The following GMDS variants were observed in gnomAD, a reference collection of about 807,000 sequenced individuals.
The protein encoded by GMDS is GDP-mannose 4,6-dehydratase.
GMDS carries 20 observed loss-of-function variants against 49.9 expected under a neutral mutation model. That is an observed-to-expected ratio of 0.40 (90% CI 0.28 to 0.58). GMDS has a LOEUF of 0.58. GMDS is among the 20% of genes least tolerant of loss of function. GMDS has a pLI of 0.42. For missense variants in GMDS, 362 were observed against 481.4 expected, an observed-to-expected ratio of 0.75 and a Z score of 2.32; for synonymous variants, 177 against 178.6, an observed-to-expected ratio of 0.99 and a Z score of 0.07.
chr6:1,643,531 T>C lies in GMDS; in HGVS notation c.988-18991A>G, dbSNP rs540653657. Among the ~76,000 whole-genome samples, 4 of 152,158 alleles carry C rather than the reference T, an allele frequency of 2.6e-5. No homozygotes were observed. The South Asian group carries it at 8.3e-4, about 32-fold the overall frequency. Reference sequence around the variant, plus strand: ...GAGTAGGATGTGGTTACCAGGGCCTTAGGCAGTTGTGGGGATGCTGGTCAA... The same window carrying C: ...GAGTAGGATGTGGTTACCAGGGCCTCAGGCAGTTGTGGGGATGCTGGTCAA... On this transcript the variant is annotated intron_variant, in intron 9 of 10. Transcript: ENST00000380815.
In GMDS at chr6:2,172,196, T is replaced by C. The variant is rs538593366; in HGVS notation, c.103-47465A>G. ...TCCCCAATATTAAAGACAAAGTCTC[T>C]CAGATTGAGGAGAAAAAATGAGATA... On this transcript the variant is annotated intron_variant, in intron 1 of 10. Coordinates refer to ENST00000380815, the MANE Select transcript of GMDS (RefSeq NM_001500.4). Among the ~76,000 whole-genome samples the C allele has an allele frequency of 8.5e-5, 13 of 152,240 alleles. No individual in the cohort carries two copies. In the South Asian group the frequency reaches 2.7e-3, roughly 32 times the overall value.
intron 1 of GMDS, among the ~76,000 whole-genome samples, chr6:2,195,113 A>G (rs1228557941): frequency 1.3e-5 from 2 of 152,234 alleles, no homozygotes; most frequent in Non-Finnish European, 2.9e-5. Context: ...TTTAAAACAC[A>G]TGCTTAAAAG....
At chr6:1,801,060 G>A (rs557768022) in intron 7 of GMDS, among the ~76,000 whole-genome samples, 42 of 152,310 alleles carry the variant, frequency 2.8e-4, no homozygotes, top group African/African-American at 1.0e-3. Flanking sequence ...TGACACTCGG[G>A]GGATACAATC....
chr6:1,733,027 G>A (rs1015839335), intron 8 of GMDS, among the ~76,000 whole-genome samples: 1 of 152,188 alleles, frequency 6.6e-6, no homozygotes, highest in Non-Finnish European at 1.5e-5. Flanking sequence ...CTCTGCCCCA[G>A]AGATGGGTAT....
At chr6:2,216,796 C>A (rs563894396) in intron 1 of GMDS, among the ~76,000 whole-genome samples, 1 of 152,204 alleles carries the variant, frequency 6.6e-6, no homozygotes, top group African/African-American at 2.4e-5. Context: ...ACTGCATTTA[C>A]GTGCTCCAAA....
intron 1 of GMDS, among the ~76,000 whole-genome samples, chr6:2,178,632 C>A (rs1159148847): frequency 6.6e-6 from 1 of 152,132 alleles, no homozygotes; most frequent in Admixed American, 6.5e-5. Context: ...ATGCTCACTA[C>A]CTGAGTGACA....
intron 3 of GMDS, among the ~76,000 whole-genome samples, chr6:2,116,105 C>G (rs1355023622): frequency 6.6e-6 from 1 of 151,944 alleles, no homozygotes; most frequent in Non-Finnish European, 1.5e-5. Flanking sequence ...TGGTGGTAAA[C>G]TCAGAAAAAT....
At chr6:1,936,704 C>T (rs75582588) in intron 6 of GMDS, among the ~76,000 whole-genome samples, 2 of 152,120 alleles carry the variant, frequency 1.3e-5, no homozygotes, top group Non-Finnish European at 2.9e-5. Context: ...CAGTGGCTCA[C>T]GCCTGTAATC....
At chr6:1,699,885 T>C (rs960507761) in intron 9 of GMDS, among the ~76,000 whole-genome samples, 2 of 152,206 alleles carry the variant, frequency 1.3e-5, no homozygotes, top group Admixed American at 1.3e-4. Context: ...GACTCCTCCC[T>C]GGCACAGCTG....
chr6:1,680,874 C>T (rs1181892757), intron 9 of GMDS, among the ~76,000 whole-genome samples: 3 of 152,164 alleles, frequency 2.0e-5, no homozygotes, highest in Non-Finnish European at 2.9e-5. Flanking sequence ...TAAAAGGCAG[C>T]TTTTCATGAC....
At chr6:1,706,507 T>C (rs1397773626) in intron 9 of GMDS, among the ~76,000 whole-genome samples, 1 of 152,250 alleles carries the variant, frequency 6.6e-6, no homozygotes, top group Non-Finnish European at 1.5e-5. Context: ...CTGACTAACA[T>C]ACTTCACCAC....
At chr6:1,818,072 A>C (rs1316358590) in intron 7 of GMDS, among the ~76,000 whole-genome samples, 2 of 152,180 alleles carry the variant, frequency 1.3e-5, no homozygotes, top group Non-Finnish European at 2.9e-5. Context: ...AGTACAGAAG[A>C]CTGAACTATG....
At position 1,881,364 on chromosome 6, in the gene GMDS, C is replaced by A. The variant is rs1364593257; in HGVS notation, c.771+48739G>T. ...AGCCAAGCTTGAAGAATCTAACTTA[C>A]AAGATTCCTCTCCCCCAAAAAATCA... On this transcript the variant is annotated intron_variant, in intron 7 of 10. Transcript: ENST00000380815. 2.0e-5 allele frequency among the ~76,000 whole-genome samples: 3 copies of A among 152,220 alleles called. No homozygotes were observed. The South Asian group carries it at 6.2e-4, about 32-fold the overall frequency.
chr6:2,045,870 C>T (rs879272760), intron 4 of GMDS, among the ~76,000 whole-genome samples: 8 of 152,202 alleles, frequency 5.3e-5, no homozygotes, highest in Non-Finnish European at 7.4e-5. Flanking sequence ...ATGAAGGCTA[C>T]GGGTCACTAA....
rs2113442014 is a variant in GMDS at position 1,726,470 on chromosome 6, C to G, written c.933G>C (p.Glu311Asp). 6.2e-7 allele frequency: 1 copy of G among 1,613,832 alleles called. No homozygotes were observed. The highest frequency in any genetic ancestry group is 8.5e-7 in the Non-Finnish European group (1 of 1,179,640). Residue 311 changes from glutamate to aspartate, a missense_variant, in exon 9 of 11, where the codon GAG becomes GAC. Transcript: ENST00000380815. ...CCACAGTCACGTGAACTTTGCCGGT[C>G]TCTTTACATCTGCCCACTTCATTTT... ...KNENEVGRCKETGKVHVTVDL... is the reference protein window; with the variant it reads ...KNENEVGRCKDTGKVHVTVDL...
chr6:1,812,690 G>A (rs1283293890), intron 7 of GMDS, among the ~76,000 whole-genome samples: 5 of 152,094 alleles, frequency 3.3e-5, no homozygotes, highest in Admixed American at 6.5e-5. Context: ...CAAACCAGGG[G>A]CTGAGGAAGC....
intron 7 of GMDS, among the ~76,000 whole-genome samples, chr6:1,896,683 A>G (rs1760211731): frequency 6.6e-6 from 1 of 152,084 alleles, no homozygotes; most frequent in Admixed American, 6.5e-5. Context: ...TCAAAGTTAG[A>G]TTTCATCGTG....
intron 9 of GMDS, among the ~76,000 whole-genome samples, chr6:1,718,058 T>C (rs147158074): frequency 2.0e-4 from 31 of 152,350 alleles, no homozygotes; most frequent in Non-Finnish European, 4.3e-4. Flanking sequence ...ATTATTAACC[T>C]ACTTTTTCAA....
chr6:1,775,360 A>G (rs1381485747), intron 7 of GMDS, among the ~76,000 whole-genome samples: 2 of 152,242 alleles, frequency 1.3e-5, no homozygotes, highest in Admixed American at 6.5e-5. Flanking sequence ...GCTCAAAGGC[A>G]TCTTTTGAGT....
Sources: allele counts gnomAD v4.1 joint callset (sites outside exome capture counted in the v4.1 genomes callset), GRCh38; gene constraint gnomAD v4.1.1; transcripts MANE v1.5; gene names NCBI Gene and HGNC (gene_info 2026-07-23, HGNC 2026-07-21).